The following MYO18B variants were observed in gnomAD, a reference collection of about 807,000 sequenced individuals.
MYO18B encodes the protein myosin XVIIIB, also known as unconventional myosin-XVIIIb.
MYO18B carries 204 observed loss-of-function variants against 273.0 expected under a neutral mutation model. The observed-to-expected ratio is 0.75, with a 90% CI of 0.67 to 0.84. MYO18B has a LOEUF of 0.84. Ranked by LOEUF, MYO18B falls within the 40% of genes least tolerant of loss-of-function variation. The pLI, the probability that MYO18B is intolerant of heterozygous loss-of-function variation, is 0.00. For missense variants in MYO18B, 3,212 were observed against 3,287.6 expected (o/e 0.98, Z 0.56); for synonymous variants, 1,330 against 1,305.7 (o/e 1.02, Z -0.40).
chr22:25,975,227 A>T (rs1406872639), intron 39 of MYO18B, among the ~76,000 whole-genome samples: 2 of 152,206 alleles, frequency 1.3e-5, no homozygotes, highest in African/African-American at 4.8e-5. Context: ...ACCGCTTAGC[A>T]GTTGTTTTTC....
chr22:25,888,215 A>G (rs936759581), intron 25 of MYO18B, among the ~76,000 whole-genome samples: 1 of 152,176 alleles, frequency 6.6e-6, no homozygotes, highest in Non-Finnish European at 1.5e-5. Context: ...TTCCTGAATT[A>G]TGCTTTAGAG....
intron 9 of MYO18B, 34 bp from the exon 10 acceptor site, chr22:25,781,700 G>A (rs749060520): frequency 5.5e-6 from 8 of 1,445,668 alleles, no homozygotes; most frequent in Admixed American, 2.5e-5. Context: ...TGTACCCAAA[G>A]CACTGACTGG....
intron 23 of MYO18B, among the ~76,000 whole-genome samples, chr22:25,875,087 A>G: frequency 6.6e-6 from 1 of 152,242 alleles, no homozygotes; most frequent in East Asian, 1.9e-4. Flanking sequence ...AAACTCAAGT[A>G]TATGTACTTG....
At chr22:25,792,479 TTCTTTTTTTTTTCTTTTC>T (rs1301610961) in intron 11 of MYO18B, among the ~76,000 whole-genome samples, 2 of 59,646 alleles carry the variant, frequency 3.4e-5, no homozygotes, top group Non-Finnish European at 7.1e-5. Flanking sequence ...TATGTGATGT[TTCTTTTTTTTTTCTTTTC>T]TTTTTTTTTT....
At position 25,955,356 on chromosome 22, in the gene MYO18B, A is replaced by C. The variant is rs759626499; in HGVS notation, c.6148A>C (p.Met2050Leu). The change falls in exon 39 of 44, where the codon ATG becomes CTG. Residue 2050 changes from methionine to leucine, a missense_variant. Transcript: ENST00000335473. ...QREAEASRRC[M>L]ELEKYVEELA... is the part of the protein sequence containing the mutation. ...GGAGGCAGAGGCCAGCCGGCGGTGC[A>C]TGGAGCTGGTGAGTCCTGTCCCCAT... 1.9e-6 allele frequency: 3 copies of C among 1,612,842 alleles called. No individual in the cohort carries two copies. Among genetic ancestry groups the C allele is most frequent in the East Asian group, 2.2e-5 (1 of 44,882 alleles).
In MYO18B at chr22:25,946,200, C is replaced by T. The variant is rs2146589802; in HGVS notation, c.5581C>T (p.Leu1861=). ...GACGCAGAAGGTGCTCACAGCGGAC[C>T]TGGAGAGCATGCACAGCGAGCTGGA... ...LKTQKVLTAD[L]ESMHSELENM... The change falls in exon 35 of 44, where the codon CTG becomes TTG. Residue 1861 remains leucine, a synonymous_variant. Transcript: ENST00000335473. 6.3e-7 allele frequency: 1 copy of T among 1,584,598 alleles called. No homozygotes were observed.
Position 25,999,251 on chromosome 22 carries a change from G to T in MYO18B, c.6288-4014G>T, listed in dbSNP as rs543010119. Among the ~76,000 whole-genome samples the T allele has an allele frequency of 7.9e-5, 12 of 152,264 alleles. 2 individuals carry two copies. Among genetic ancestry groups the T allele is most frequent in the African/African-American group, 2.6e-4 (11 of 41,542 alleles). ...GCCAAGCGTTGTTGTCATGTCAAAT[G>T]TAACCTACTTCCTCCTTTCCCTTGT... On this transcript the variant is annotated intron_variant, in intron 40 of 43. Transcript: ENST00000335473.
intron 3 of MYO18B, among the ~76,000 whole-genome samples, chr22:25,763,615 C>T (rs2086405877): frequency 6.6e-6 from 1 of 152,226 alleles, no homozygotes; most frequent in South Asian, 2.1e-4. Flanking sequence ...CCTCTGAATC[C>T]TGCTGCACCT....
At chr22:25,971,945 G>GC (rs2093039427) in intron 39 of MYO18B, among the ~76,000 whole-genome samples, 3 of 150,722 alleles carry the variant, frequency 2.0e-5, no homozygotes, top group African/African-American at 7.3e-5. Flanking sequence ...ACCTGAAAGG[G>GC]CAAAAAAAAA....
At chr22:25,830,477 G>A (rs1235165223) in intron 15 of MYO18B, among the ~76,000 whole-genome samples, 1 of 152,180 alleles carries the variant, frequency 6.6e-6, no homozygotes, top group African/African-American at 2.4e-5. Flanking sequence ...GTGTAGGTTG[G>A]GGTAGATGGC....
chr22:25,878,037 C>T lies in MYO18B; in HGVS notation c.4303C>T (p.Leu1435=). 1 of 1,579,966 alleles carries T rather than the reference C, an allele frequency of 6.3e-7. No homozygotes were observed. The change falls in exon 25 of 44, where the codon CTA becomes TTA. Residue 1435 remains leucine, a synonymous_variant. Coordinates refer to ENST00000335473, the MANE Select transcript of MYO18B (RefSeq NM_032608.7). ...TGAACTCCGGCAGAACACAGATCTG[C>T]TAGAAAGCAAGGTATCCCCATCCCT... ...RNELRQNTDL[L]ESKIADLTSD... is the part of the protein sequence containing the mutation.
rs1245196255 is a variant in MYO18B, at chr22:26,026,945, C to A, written c.6971C>A (p.Thr2324Asn). 1.2e-6 allele frequency: 2 copies of A among 1,613,818 alleles called. No individual in the cohort carries two copies. Among genetic ancestry groups the A allele is most frequent in the Non-Finnish European group, 8.5e-7 (1 of 1,179,818 alleles). Reference sequence around the variant, plus strand: ...GCCGCTGGTGGTCTCTTGAGGTCCACCAGCCTCAAATGCATCTCTTCAGAC... The same window carrying A: ...GCCGCTGGTGGTCTCTTGAGGTCCAACAGCCTCAAATGCATCTCTTCAGAC... ...EGAAGGLLRS[T>N]SLKCISSDGV... Residue 2324 changes from threonine (T) to asparagine (N), a missense_variant, in exon 43 of 44, where the codon ACC becomes AAC. Transcript: ENST00000335473.
chr22:25,866,712 G>A (rs1396987511), intron 21 of MYO18B, among the ~76,000 whole-genome samples: 1 of 145,968 alleles, frequency 6.9e-6, no homozygotes, highest in Non-Finnish European at 1.5e-5. Flanking sequence ...GGTGGCACAT[G>A]CCTGTAGTCC....
intron 12 of MYO18B, among the ~76,000 whole-genome samples, chr22:25,819,928 A>G (rs946563775): frequency 2.7e-5 from 4 of 149,932 alleles, no homozygotes; most frequent in African/African-American, 4.9e-5. Flanking sequence ...ACTACAACTA[A>G]TAAGTACTGA....
intron 21 of MYO18B, among the ~76,000 whole-genome samples, chr22:25,860,951 C>T (rs12157749): frequency 0.036 from 5,449 of 151,700 alleles, 197 homozygotes; most frequent in East Asian, 0.12. Context: ...TGCAGTGGCA[C>T]GATTATGGCT....
intron 17 of MYO18B, 57 bp downstream of exon 17, chr22:25,835,500 G>A: frequency 6.2e-7 from 1 of 1,604,490 alleles, no homozygotes; most frequent in Non-Finnish European, 8.5e-7. Context: ...ATTAGAATCT[G>A]TTCTTCTCTG....
At position 25,848,868 on chromosome 22, in the gene MYO18B, TC is replaced by T. The variant is rs568044015; in HGVS notation, c.3775+1218del. ...GTGAGCACCTCATTTGGTTAAAGTCTCCGTGGTCACTAGTGCCCTAGTGTAT... is the reference window on the plus strand; with the variant it reads ...GTGAGCACCTCATTTGGTTAAAGTCTCGTGGTCACTAGTGCCCTAGTGTAT... On this transcript the variant is annotated intron_variant, in intron 20 of 43. Transcript: ENST00000335473. Among the ~76,000 whole-genome samples, 8 of 152,238 alleles carry T rather than the reference TC, an allele frequency of 5.3e-5. No individual in the cohort carries two copies. The South Asian group carries it at 1.7e-3, about 32-fold the overall frequency.
intron 2 of MYO18B, among the ~76,000 whole-genome samples, chr22:25,761,704 G>T (rs2086325097): frequency 6.6e-6 from 1 of 152,164 alleles, no homozygotes; most frequent in South Asian, 2.1e-4. Flanking sequence ...GTGATTTGAT[G>T]AGTTGGAGGT....
chr22:25,810,805 G>A (rs57696143), intron 12 of MYO18B, among the ~76,000 whole-genome samples: 10,013 of 151,946 alleles, frequency 0.066, 577 homozygotes, highest in East Asian at 0.21. Context: ...CCTACATACC[G>A]CTTCTCCCTG....
Sources: allele counts gnomAD v4.1 joint callset (sites outside exome capture counted in the v4.1 genomes callset), GRCh38; gene constraint gnomAD v4.1.1; transcripts MANE v1.5; gene names NCBI Gene and HGNC (gene_info 2026-07-23, HGNC 2026-07-21).